B3GALT1: variants seen among roughly 807,000 people sequenced by gnomAD.
B3GALT1 encodes beta-1,3-galactosyltransferase 1.
Under a neutral mutation model 23.2 loss-of-function variants are expected in B3GALT1, and 10 were observed. The ratio of observed to expected loss-of-function variants is 0.43; its 90% CI spans 0.27 to 0.73. The LOEUF (loss-of-function observed/expected upper bound fraction) is 0.73, where lower values mean the gene tolerates loss of function less well. Ranked by LOEUF, B3GALT1 falls within the 30% of genes least tolerant of loss-of-function variation. B3GALT1 has a pLI of 0.21. For synonymous variants in B3GALT1, 156 were observed against 141.5 expected (o/e 1.10, Z -0.73); for missense variants, 299 against 405.4 (o/e 0.74, Z 2.25).
intron 1 of B3GALT1, among the ~76,000 whole-genome samples, chr2:167,405,176 A>G (rs1207542540): frequency 2.0e-5 from 3 of 152,170 alleles, no homozygotes; most frequent in Non-Finnish European, 4.4e-5. Context: ...GATTTCTAAT[A>G]GGTATAGCCA....
chr2:167,806,275 C>G lies in B3GALT1; in HGVS notation c.-351-12397C>G, dbSNP rs533004156. Among the ~76,000 whole-genome samples the G allele has an allele frequency of 1.3e-4, 20 of 152,306 alleles. No homozygotes were observed. In the South Asian group the frequency reaches 4.1e-3, roughly 32 times the overall value. On this transcript the variant is annotated intron_variant, in intron 3 of 4. Coordinates refer to ENST00000392690, the MANE Select transcript of B3GALT1 (RefSeq NM_020981.4). The stretch of plus-strand genomic sequence containing the variant: ...GACATACAATCATGTCATCTGCAAA[C>G]AGGGACAATTTGACTTCCTCTTTTC...
chr2:167,640,695 A>C (rs1411084240), intron 2 of B3GALT1, among the ~76,000 whole-genome samples: 1 of 152,034 alleles, frequency 6.6e-6, no homozygotes, highest in East Asian at 1.9e-4. Context: ...GGATGCCAGC[A>C]CTCTAAAAAA....
At chr2:167,581,799 C>A (rs1204415175) in intron 2 of B3GALT1, among the ~76,000 whole-genome samples, 4 of 152,156 alleles carry the variant, frequency 2.6e-5, no homozygotes, top group Non-Finnish European at 5.9e-5. Context: ...CCAAATATTT[C>A]CAAAAGGTAG....
chr2:167,378,853 G>C (rs1316699107), intron 1 of B3GALT1, among the ~76,000 whole-genome samples: 1 of 152,264 alleles, frequency 6.6e-6, no homozygotes, highest in Admixed American at 6.5e-5. Context: ...TATTGCTAGA[G>C]AGCTAGTGCG....
In B3GALT1 at chr2:167,481,420, C is replaced by G. The variant is rs79854526; in HGVS notation, c.-510-8757C>G. ...AACAATAAATGTTTTAATTATATAC[C>G]TCTGTAGTCTAACTTAAATAATGTT... On this transcript the variant is annotated intron_variant, in intron 1 of 4. Coordinates refer to ENST00000392690, the MANE Select transcript of B3GALT1 (RefSeq NM_020981.4). Among the ~76,000 whole-genome samples, 1,240 of 148,196 alleles carry G rather than the reference C, an allele frequency of 8.4e-3. 21 individuals are homozygous for G. Among genetic ancestry groups the G allele is most frequent in the African/African-American group, 0.029 (1,193 of 41,224 alleles).
intron 3 of B3GALT1, among the ~76,000 whole-genome samples, chr2:167,771,566 G>A (rs766729699): frequency 1.3e-5 from 2 of 152,168 alleles, no homozygotes; most frequent in Non-Finnish European, 2.9e-5. Flanking sequence ...GCGAGACTCC[G>A]TCTCAAAAAA....
intron 1 of B3GALT1, among the ~76,000 whole-genome samples, chr2:167,454,224 T>C (rs1272106695): frequency 7.2e-6 from 1 of 138,218 alleles, no homozygotes; most frequent in Non-Finnish European, 1.6e-5. Context: ...CACGCGCGCG[T>C]GCACGTGTGT....
In B3GALT1 at chr2:167,561,049, G is replaced by C. The variant is rs370932663; in HGVS notation, c.-410+70772G>C. ...CACCTATTCCAAAATTGACCACATA[G>C]TTGGAAGTAAAGCTCTCCTCAGCAA... On this transcript the variant is annotated intron_variant, in intron 2 of 4. Transcript: ENST00000392690. 1.1e-4 allele frequency among the ~76,000 whole-genome samples: 17 copies of C among 152,028 alleles called. 1 individual carries two copies. The South Asian group carries it at 2.3e-3, about 20-fold the overall frequency.
chr2:167,802,566 A>G (rs1201226635), intron 3 of B3GALT1, among the ~76,000 whole-genome samples: 1 of 152,218 alleles, frequency 6.6e-6, no homozygotes, highest in Non-Finnish European at 1.5e-5. Flanking sequence ...TTGTTTTGCA[A>G]ATGTTTTACT....
intron 1 of B3GALT1, among the ~76,000 whole-genome samples, chr2:167,339,299 C>A (rs1169203080): frequency 6.6e-6 from 1 of 151,408 alleles, no homozygotes; most frequent in African/African-American, 2.4e-5. Flanking sequence ...GCAAGTTGCG[C>A]AGGTAATACA....
intron 1 of B3GALT1, among the ~76,000 whole-genome samples, chr2:167,415,506 G>A (rs1698455300): frequency 6.6e-6 from 1 of 152,226 alleles, no homozygotes; most frequent in Admixed American, 6.5e-5. Context: ...GAAGTGGCAT[G>A]TTGCTGATAA....
At chr2:167,595,419 T>C (rs1007214595) in intron 2 of B3GALT1, among the ~76,000 whole-genome samples, 2 of 152,228 alleles carry the variant, frequency 1.3e-5, no homozygotes, top group Non-Finnish European at 2.9e-5. Flanking sequence ...ATGGTCCCGT[T>C]AAATCATAGG....
intron 4 of B3GALT1, among the ~76,000 whole-genome samples, chr2:167,831,840 A>G (rs1689360639): frequency 6.6e-6 from 1 of 152,212 alleles, no homozygotes; most frequent in African/African-American, 2.4e-5. Flanking sequence ...ATATGTAGAG[A>G]GGAGAGAAAA....
intron 1 of B3GALT1, among the ~76,000 whole-genome samples, chr2:167,362,160 A>G (rs1336632433): frequency 1.3e-5 from 2 of 152,114 alleles, no homozygotes; most frequent in Admixed American, 1.3e-4. Flanking sequence ...TATGTATTCT[A>G]CATTTCAAAG....
At chr2:167,656,173 A>G (rs1685952758) in intron 3 of B3GALT1, among the ~76,000 whole-genome samples, 1 of 151,948 alleles carries the variant, frequency 6.6e-6, no homozygotes, top group Non-Finnish European at 1.5e-5. Context: ...CAAACTGAAA[A>G]CCACTTTGTA....
chr2:167,751,271 G>A (rs1246382143), intron 3 of B3GALT1, among the ~76,000 whole-genome samples: 8 of 152,246 alleles, frequency 5.3e-5, no homozygotes, highest in Admixed American at 1.3e-4. Context: ...TTTGGATACT[G>A]AGAAGTTATT....
chr2:167,829,849 G>A (rs1469525622), intron 4 of B3GALT1, among the ~76,000 whole-genome samples: 2 of 152,152 alleles, frequency 1.3e-5, no homozygotes, highest in African/African-American at 4.8e-5. Flanking sequence ...ATAGCAGGGC[G>A]AGTGCTCCAA....
intron 1 of B3GALT1, among the ~76,000 whole-genome samples, chr2:167,397,761 T>C (rs1349065703): frequency 6.6e-6 from 1 of 152,162 alleles, no homozygotes; most frequent in Non-Finnish European, 1.5e-5. Context: ...TCTTGTCCTG[T>C]GAGTAGATCG....
At chr2:167,669,202 A>G (rs879576485) in intron 3 of B3GALT1, among the ~76,000 whole-genome samples, 13 of 152,220 alleles carry the variant, frequency 8.5e-5, no homozygotes, top group Non-Finnish European at 1.9e-4. Flanking sequence ...TTATGTCACA[A>G]AAGCTTCATA....
Sources: allele counts gnomAD v4.1 joint callset (sites outside exome capture counted in the v4.1 genomes callset), GRCh38; gene constraint gnomAD v4.1.1; transcripts MANE v1.5; gene names NCBI Gene and HGNC (gene_info 2026-07-23, HGNC 2026-07-21).